Variants in IL1RAPL2 observed in about 807,000 individuals in gnomAD.
IL1RAPL2 encodes interleukin 1 receptor accessory protein like 2, also known as X-linked interleukin-1 receptor accessory protein-like 2.
Under a neutral mutation model 44.1 loss-of-function variants are expected in IL1RAPL2, and 3 were observed. The ratio of observed to expected loss-of-function variants is 0.07; its 90% CI spans 0.03 to 0.18. IL1RAPL2 has a LOEUF of 0.18. IL1RAPL2 is among the 10% of genes least tolerant of loss of function. IL1RAPL2 has a pLI of 1.00. For missense variants in IL1RAPL2, 391 were observed against 496.4 expected (o/e 0.79, Z 2.02); for synonymous variants, 181 against 178.8 (o/e 1.01, Z -0.10).
At chrX:105,041,533 C>G (rs2031737249) in intron 2 of IL1RAPL2, among the ~76,000 whole-genome samples, 1 of 109,849 alleles carries the variant, frequency 9.1e-6, no homozygotes, top group Non-Finnish European at 1.9e-5. Context: ...CGTGAAGGAC[C>G]TCTTCAAGGA....
chrX:105,228,018 CTTGT>C (rs1324211102), intron 3 of IL1RAPL2, among the ~76,000 whole-genome samples: 1 of 111,275 alleles, frequency 9.0e-6, no homozygotes, highest in African/African-American at 3.3e-5. Context: ...GGCTTGAGAT[CTTGT>C]TTGTTTATTC....
At chrX:104,711,059 C>T (rs994052468) in intron 2 of IL1RAPL2, among the ~76,000 whole-genome samples, 3 of 111,544 alleles carry the variant, frequency 2.7e-5, no homozygotes, top group African/African-American at 9.7e-5. Flanking sequence ...CAACAGCTCT[C>T]TGCGTGTTAT....
rs772573698 is a variant in IL1RAPL2, at chrX:105,388,356, A to ATTTTTTT, written c.698-95934_698-95928dup. 4.8e-3 allele frequency among the ~76,000 whole-genome samples: 293 copies of ATTTTTTT among 61,261 alleles called. 45 individuals are homozygous for ATTTTTTT. Among genetic ancestry groups the ATTTTTTT allele is most frequent in the African/African-American group, 0.029 (282 of 9,703 alleles). 53.2% of individuals were successfully genotyped at this position (61,261 alleles called of 115,157 possible). A position where few individuals can be genotyped will look rare whatever the true frequency, so the allele number is the denominator to read the frequency against. On this transcript the variant is annotated intron_variant, in intron 5 of 10. Coordinates refer to ENST00000372582, the MANE Select transcript of IL1RAPL2 (RefSeq NM_017416.2). ...CAAACCAAATATTTTACCAAAGCAG[A>ATTTTTTT]TTTTTTTTTTTTTTTTTTTTTTTTT... is the stretch of plus-strand genomic sequence containing the variant.
At chrX:105,215,430 T>G (rs1556164339) in intron 3 of IL1RAPL2, among the ~76,000 whole-genome samples, 1 of 111,770 alleles carries the variant, frequency 8.9e-6, no homozygotes, top group Non-Finnish European at 1.9e-5. Flanking sequence ...AATCCCTGAA[T>G]AGACCAATAA....
At chrX:105,751,454 T>C (rs1259744644) in intron 9 of IL1RAPL2, among the ~76,000 whole-genome samples, 1 of 111,418 alleles carries the variant, frequency 9.0e-6, no homozygotes, top group African/African-American at 3.3e-5. Context: ...AACTGATCAG[T>C]TGTAGTACAT....
chrX:105,178,661 T>C (rs2033499385), intron 2 of IL1RAPL2, among the ~76,000 whole-genome samples: 1 of 112,161 alleles, frequency 8.9e-6, no homozygotes, highest in Admixed American at 9.5e-5. Flanking sequence ...GCATCTATTA[T>C]ATTTTTCTTT....
intron 2 of IL1RAPL2, among the ~76,000 whole-genome samples, chrX:104,881,059 T>G (rs1923056657): frequency 9.0e-6 from 1 of 111,597 alleles, no homozygotes; most frequent in Non-Finnish European, 1.9e-5. Context: ...AAACTAAGAT[T>G]TTACACAAGG....
At chrX:104,961,046 G>C in intron 2 of IL1RAPL2, among the ~76,000 whole-genome samples, 1 of 111,674 alleles carries the variant, frequency 9.0e-6, no homozygotes, top group East Asian at 2.8e-4. Flanking sequence ...ATGCTTGAAA[G>C]GGTGTTGCTC....
At chrX:105,482,050 T>C (rs1169334717) in intron 5 of IL1RAPL2, among the ~76,000 whole-genome samples, 1 of 112,497 alleles carries the variant, frequency 8.9e-6, no homozygotes, top group Non-Finnish European at 1.9e-5. Flanking sequence ...CGCATACTAT[T>C]TGGGACCTTG....
intron 2 of IL1RAPL2, among the ~76,000 whole-genome samples, chrX:105,070,882 A>G (rs1295697180): frequency 2.7e-5 from 3 of 110,184 alleles, no homozygotes; most frequent in Non-Finnish European, 5.7e-5. Context: ...ATACACATGT[A>G]TACATAAATA....
At chrX:104,864,733 G>A (rs889066529) in intron 2 of IL1RAPL2, among the ~76,000 whole-genome samples, 1 of 111,647 alleles carries the variant, frequency 9.0e-6, no homozygotes, top group Non-Finnish European at 1.9e-5. Flanking sequence ...GCAAAGACTT[G>A]CTGAGTTTTC....
At chrX:105,484,813 A>G (rs1361340180) in intron 6 of IL1RAPL2, among the ~76,000 whole-genome samples, 1 of 111,836 alleles carries the variant, frequency 8.9e-6, no homozygotes, top group African/African-American at 3.2e-5. Context: ...ATTATTTTCA[A>G]TATCACAATC....
intron 5 of IL1RAPL2, among the ~76,000 whole-genome samples, chrX:105,397,119 C>T (rs753564427): frequency 9.0e-6 from 1 of 111,137 alleles, no homozygotes; most frequent in Non-Finnish European, 1.9e-5. Context: ...TCTCCCATCA[C>T]CCCCAGATGG....
At chrX:104,910,010 G>T (rs934584558) in intron 2 of IL1RAPL2, among the ~76,000 whole-genome samples, 1 of 112,632 alleles carries the variant, frequency 8.9e-6, no homozygotes, top group Non-Finnish European at 1.9e-5. Flanking sequence ...GCGAGACTCC[G>T]TGGTTGTAGG....
chrX:104,853,902 C>CAAAA (rs11364619), intron 2 of IL1RAPL2, among the ~76,000 whole-genome samples: 7 of 43,735 alleles, frequency 1.6e-4, no homozygotes, highest in African/African-American at 6.2e-4. Context: ...GACTCCGTCT[C>CAAAA]AAAAAAAAAA....
At chrX:105,182,045 C>T (rs1388251928) in intron 2 of IL1RAPL2, among the ~76,000 whole-genome samples, 6 of 96,770 alleles carry the variant, frequency 6.2e-5, no homozygotes, top group East Asian at 3.1e-4. Context: ...CCAGCCTGGG[C>T]GACAGAGTGA....
rs190086001 is a variant in IL1RAPL2 at position 104,674,425 on chromosome X, C to G, written c.82+15430C>G. ...TATTGATTTGCGTATATTGAACCAG[C>G]CTTGCATCCCAGGGATGAAGCCCAC... On this transcript the variant is annotated intron_variant, in intron 2 of 10. Transcript: ENST00000372582. 7.1e-5 allele frequency among the ~76,000 whole-genome samples: 8 copies of G among 111,992 alleles called. No individual in the cohort carries two copies. In the East Asian group the frequency reaches 2.0e-3, roughly 27 times the overall value.
intron 2 of IL1RAPL2, among the ~76,000 whole-genome samples, chrX:104,948,617 T>C (rs1191896425): frequency 1.8e-5 from 2 of 111,418 alleles, no homozygotes; most frequent in Non-Finnish European, 3.8e-5. Context: ...CTTGAGAGTT[T>C]TTAGCATGAA....
chrX:104,721,278 C>A (rs954468974), intron 2 of IL1RAPL2, among the ~76,000 whole-genome samples: 5 of 111,152 alleles, frequency 4.5e-5, no homozygotes, highest in African/African-American at 1.6e-4. Context: ...TGGAATCAGC[C>A]CAGATGCCCA....
Sources: allele counts gnomAD v4.1 joint callset (sites outside exome capture counted in the v4.1 genomes callset), GRCh38; gene constraint gnomAD v4.1.1; transcripts MANE v1.5; gene names NCBI Gene and HGNC (gene_info 2026-07-23, HGNC 2026-07-21).